The following FHIP1A variants were observed in gnomAD, a reference collection of about 807,000 sequenced individuals.
FHIP1A encodes the protein FHF complex subunit HOOK-interacting protein 1A.
In FHIP1A, 61 loss-of-function variants were observed where a neutral mutation model predicts 88.6. The observed-to-expected ratio is 0.69, with a 90% CI of 0.56 to 0.85. The LOEUF is 0.85. FHIP1A is among the 40% of genes least tolerant of loss of function. FHIP1A has a pLI of 0.00. For missense variants in FHIP1A, 1,154 were observed against 1,273.5 expected (o/e 0.91, Z 1.43); for synonymous variants, 478 against 496.0 (o/e 0.96, Z 0.48).
At chr4:151,475,429 G>T (rs553452910) in intron 2 of FHIP1A, among the ~76,000 whole-genome samples, 2 of 152,260 alleles carry the variant, frequency 1.3e-5, no homozygotes, top group East Asian at 3.9e-4. Context: ...TTTCATGGGG[G>T]GTAGACAGGA....
intron 3 of FHIP1A, among the ~76,000 whole-genome samples, chr4:151,532,275 T>C (rs541257077): frequency 1.3e-5 from 2 of 152,350 alleles, no homozygotes; most frequent in Admixed American, 1.3e-4. Flanking sequence ...GATTGTGTAA[T>C]TTCTAATCTA....
At chr4:151,571,683 A>G (rs1733608144) in intron 4 of FHIP1A, among the ~76,000 whole-genome samples, 1 of 152,180 alleles carries the variant, frequency 6.6e-6, no homozygotes, top group Non-Finnish European at 1.5e-5. Flanking sequence ...TGACAGAGAA[A>G]AATTAAGTAA....
intron 3 of FHIP1A, among the ~76,000 whole-genome samples, chr4:151,509,231 C>T (rs892852111): frequency 3.9e-5 from 6 of 152,134 alleles, no homozygotes; most frequent in South Asian, 2.1e-4. Flanking sequence ...GGCGTGATCT[C>T]GGCTCATCAC....
chr4:151,439,488 C>T (rs1728327323), intron 1 of FHIP1A, among the ~76,000 whole-genome samples: 1 of 152,134 alleles, frequency 6.6e-6, no homozygotes, highest in South Asian at 2.1e-4. Flanking sequence ...GAAAGGGCTT[C>T]TGCTTTCAGT....
intron 7 of FHIP1A, among the ~76,000 whole-genome samples, chr4:151,599,727 C>T (rs1054902511): frequency 4.6e-5 from 7 of 152,184 alleles, no homozygotes; most frequent in Admixed American, 4.6e-4. Context: ...GGGGCCCCAG[C>T]TCAGTAATGC....
Position 151,411,798 on chromosome 4 carries a change from A to C in FHIP1A, c.-356+2333A>C, listed in dbSNP as rs557879619. ...CTAGGGTGATACGTAGGCCCAGTGAAGATCTGGATCAGATTCTGCCATTGA... is the reference window on the plus strand; with the variant it reads ...CTAGGGTGATACGTAGGCCCAGTGACGATCTGGATCAGATTCTGCCATTGA... On this transcript the variant is annotated intron_variant, in intron 1 of 13. Transcript: ENST00000435205. 7.9e-5 allele frequency among the ~76,000 whole-genome samples: 12 copies of C among 152,342 alleles called. No individual in the cohort carries two copies. In the East Asian group the frequency reaches 2.1e-3, roughly 27 times the overall value.
At chr4:151,646,912 G>A (rs563929093) in intron 10 of FHIP1A, among the ~76,000 whole-genome samples, 164 bp downstream of exon 10, 3 of 152,138 alleles carry the variant, frequency 2.0e-5, no homozygotes, top group Non-Finnish European at 2.9e-5. Flanking sequence ...TTATGGACAC[G>A]TTGTAATCAG....
intron 8 of FHIP1A, among the ~76,000 whole-genome samples, chr4:151,630,643 G>T (rs1223640003): frequency 6.6e-6 from 1 of 151,958 alleles, no homozygotes; most frequent in East Asian, 1.9e-4. Context: ...TCTTTTAAAG[G>T]AATTAAAATG....
At chr4:151,591,607 C>T (rs573423470) in intron 7 of FHIP1A, among the ~76,000 whole-genome samples, 13 of 152,154 alleles carry the variant, frequency 8.5e-5, no homozygotes, top group Non-Finnish European at 1.5e-4. Context: ...TCCCCTGGCC[C>T]CTGGCCCCCT....
intron 7 of FHIP1A, among the ~76,000 whole-genome samples, chr4:151,620,875 G>C (rs1209057514): frequency 7.7e-6 from 1 of 130,638 alleles, no homozygotes; most frequent in Non-Finnish European, 1.7e-5. Flanking sequence ...TACACACCGA[G>C]AATAAAAAAA....
chr4:151,490,035 C>T (rs1478390732), intron 3 of FHIP1A, among the ~76,000 whole-genome samples: 6 of 152,176 alleles, frequency 3.9e-5, no homozygotes, highest in Non-Finnish European at 8.8e-5. Flanking sequence ...AGCACCACCT[C>T]CTGGCTGGAA....
intron 2 of FHIP1A, among the ~76,000 whole-genome samples, chr4:151,459,272 A>G (rs1051492509): frequency 1.3e-5 from 2 of 152,206 alleles, no homozygotes; most frequent in East Asian, 1.9e-4. Flanking sequence ...ACAAAAATAT[A>G]TAAGAAGGTA....
At chr4:151,568,101 G>A (rs1423393491) in intron 4 of FHIP1A, among the ~76,000 whole-genome samples, 1 of 152,196 alleles carries the variant, frequency 6.6e-6, no homozygotes, top group African/African-American at 2.4e-5. Context: ...TTCTCCAAAT[G>A]TGAGGAATGT....
At chr4:151,486,193 C>G (rs1302504479) in intron 3 of FHIP1A, among the ~76,000 whole-genome samples, 2 of 152,118 alleles carry the variant, frequency 1.3e-5, no homozygotes, top group Non-Finnish European at 2.9e-5. Context: ...TGCTTGGTGG[C>G]TTGGTTCCTA....
At chr4:151,458,661 G>A (rs1403508835) in intron 2 of FHIP1A, among the ~76,000 whole-genome samples, 2 of 152,084 alleles carry the variant, frequency 1.3e-5, no homozygotes, top group Admixed American at 6.6e-5. Context: ...GTGTATTTGG[G>A]AATATCTAGA....
At chr4:151,566,889 C>T (rs1435407652) in intron 4 of FHIP1A, among the ~76,000 whole-genome samples, 1 of 152,126 alleles carries the variant, frequency 6.6e-6, no homozygotes, top group Non-Finnish European at 1.5e-5. Flanking sequence ...AAATAACTTG[C>T]TTAAGGTTAT....
At position 151,577,534 on chromosome 4, in the gene FHIP1A, G is replaced by A. The variant is rs746592641; in HGVS notation, c.190G>A (p.Val64Met). 4.7e-5 allele frequency: 73 copies of A among 1,551,616 alleles called. No homozygotes were observed. The highest frequency in any genetic ancestry group is 7.8e-5 in the Admixed American group (4 of 50,974). ...TATCCCTCCAGATGAGGCCAGTGCC[G>A]TGCAGAATTACGTAGAACACATGCT... ...GSIPPDEASAVQNYVEHMLFL... is the reference protein window; with the variant it reads ...GSIPPDEASAMQNYVEHMLFL... The change falls in exon 5 of 14, where the codon GTG becomes ATG. Residue 64 changes from valine (V) to methionine (M), a missense_variant. By Grantham distance (21) the Val-to-Met change is conservative. Coordinates refer to ENST00000435205, the MANE Select transcript of FHIP1A (RefSeq NM_001109977.3).
intron 2 of FHIP1A, among the ~76,000 whole-genome samples, chr4:151,474,553 T>A (rs1729634066): frequency 6.6e-6 from 1 of 152,234 alleles, no homozygotes; most frequent in Admixed American, 6.5e-5. Flanking sequence ...GACTGTAACT[T>A]GCCTGTTGAA....
chr4:151,581,925 G>C (rs1734039924), intron 5 of FHIP1A, among the ~76,000 whole-genome samples: 1 of 152,128 alleles, frequency 6.6e-6, no homozygotes, highest in Non-Finnish European at 1.5e-5. Flanking sequence ...CTCAAGATGT[G>C]CTTTCCCAGG....
Sources: allele counts gnomAD v4.1 joint callset (sites outside exome capture counted in the v4.1 genomes callset), GRCh38; gene constraint gnomAD v4.1.1; transcripts MANE v1.5; gene names NCBI Gene and HGNC (gene_info 2026-07-23, HGNC 2026-07-21).